AOPEP: variants seen among roughly 807,000 people sequenced by gnomAD.
The protein encoded by AOPEP is aminopeptidase O (putative), also known as aminopeptidase O.
In AOPEP, 77 loss-of-function variants were observed where a neutral mutation model predicts 98.1. The observed-to-expected ratio is 0.78, with a 90% CI of 0.65 to 0.95. The LOEUF (loss-of-function observed/expected upper bound fraction) is 0.95, where lower values mean the gene tolerates loss of function less well. Ranked by LOEUF, AOPEP falls within the 40% of genes least tolerant of loss-of-function variation. The pLI is 0.00. For missense variants in AOPEP, 1,024 were observed against 1,024.7 expected (o/e 1.00, Z 0.01); for synonymous variants, 346 against 365.3 (o/e 0.95, Z 0.60).
At chr9:95,089,877 C>T (rs2134350195), downstream of AOPEP, among the ~76,000 whole-genome samples, 1 of 152,372 alleles carries the variant, frequency 6.6e-6, no homozygotes, top group Non-Finnish European at 1.5e-5. Context: ...AAGAAACTGA[C>T]AGGAACAACC....
At chr9:94,932,451 C>A in intron 7 of AOPEP, 5 of 177,122 alleles carry the variant, frequency 2.8e-5, no homozygotes, top group Non-Finnish European at 2.2e-5. Context: ...GAGGTTTCAT[C>A]AAATGTTTCT....
chr9:94,780,674 A>G (rs1843049751), intron 3 of AOPEP, among the ~76,000 whole-genome samples: 1 of 152,266 alleles, frequency 6.6e-6, no homozygotes, highest in Admixed American at 6.5e-5. Flanking sequence ...GGATGTGGAT[A>G]CAAGATGATG....
chr9:95,088,295 C>A (rs1268146173), downstream of AOPEP, among the ~76,000 whole-genome samples: 7 of 151,984 alleles, frequency 4.6e-5, no homozygotes, highest in African/African-American at 1.7e-4. Context: ...CTGCAACCTC[C>A]GCCTCCCGGG....
chr9:94,753,653 T>C (rs894248527), intron 1 of AOPEP, among the ~76,000 whole-genome samples: 5 of 152,220 alleles, frequency 3.3e-5, no homozygotes, highest in Admixed American at 2.6e-4. Context: ...AAGAAATTCA[T>C]TTCAGTCATT....
intron 13 of AOPEP, among the ~76,000 whole-genome samples, chr9:95,045,116 A>C (rs1438512208): frequency 6.6e-6 from 1 of 152,366 alleles, no homozygotes; most frequent in African/African-American, 2.4e-5. Context: ...CCAAGGTCAC[A>C]AGGTGAGTAG....
chr9:94,925,905 G>A (rs532532181), intron 6 of AOPEP, among the ~76,000 whole-genome samples: 1 of 152,350 alleles, frequency 6.6e-6, no homozygotes, highest in African/African-American at 2.4e-5. Flanking sequence ...GGGATCAGGT[G>A]TGAATGAGCT....
At chr9:95,020,722 A>G (rs573209106) in intron 13 of AOPEP, among the ~76,000 whole-genome samples, 5 of 152,114 alleles carry the variant, frequency 3.3e-5, no homozygotes, top group Non-Finnish European at 4.4e-5. Flanking sequence ...GTTCAAGACC[A>G]ACCTCGGCAA....
At chr9:95,085,613 C>T (rs368040649) in intron 16 of AOPEP, 4 of 404,468 alleles carry the variant, frequency 9.9e-6, no homozygotes, top group African/African-American at 8.4e-5. Flanking sequence ...GCTGCACAGT[C>T]AGCTTGGGTG....
chr9:94,871,283 C>T (rs1442425256), intron 5 of AOPEP, among the ~76,000 whole-genome samples: 1 of 152,206 alleles, frequency 6.6e-6, no homozygotes, highest in Admixed American at 6.5e-5. Context: ...TATCTACAGG[C>T]CTCTGTTTTA....
At chr9:95,048,253 G>C (rs1008107071) in intron 13 of AOPEP, among the ~76,000 whole-genome samples, 7 of 152,262 alleles carry the variant, frequency 4.6e-5, no homozygotes, top group African/African-American at 1.7e-4. Flanking sequence ...TATGCAAAGA[G>C]AGAAAGTCCT....
chr9:94,961,959 A>G (rs779338359), intron 9 of AOPEP, among the ~76,000 whole-genome samples: 29 of 152,200 alleles, frequency 1.9e-4, no homozygotes, highest in Non-Finnish European at 3.8e-4. Context: ...TCCTTTTCCA[A>G]CTTGTGCTAT....
intron 5 of AOPEP, among the ~76,000 whole-genome samples, chr9:94,908,402 T>C (rs1564361966): frequency 6.6e-6 from 1 of 152,198 alleles, no homozygotes; most frequent in Non-Finnish European, 1.5e-5. Context: ...ATGTTCACTT[T>C]ACACTATCTC....
intron 5 of AOPEP, among the ~76,000 whole-genome samples, chr9:94,910,916 C>G (rs879022091): frequency 1.3e-5 from 2 of 152,104 alleles, no homozygotes; most frequent in Admixed American, 6.5e-5. Context: ...TGGGCCTCCT[C>G]GTGATGTTAT....
intron 13 of AOPEP, among the ~76,000 whole-genome samples, chr9:95,029,844 G>T (rs2064146202): frequency 2.0e-5 from 3 of 152,150 alleles, no homozygotes; most frequent in Admixed American, 2.0e-4. Flanking sequence ...TGCTTGTCCT[G>T]GGAGATGGGT....
the AOPEP span, among the ~76,000 whole-genome samples, chr9:95,097,302 A>C: frequency 6.6e-6 from 1 of 152,214 alleles, no homozygotes; most frequent in Non-Finnish European, 1.5e-5. Flanking sequence ...CCATTTGCCC[A>C]GTGTTTGGCC....
At chr9:95,035,172 G>A (rs1294282759) in intron 13 of AOPEP, among the ~76,000 whole-genome samples, 2 of 147,282 alleles carry the variant, frequency 1.4e-5, no homozygotes, top group East Asian at 2.0e-4. Flanking sequence ...CCCTGTTTCC[G>A]TGTGTTCTCA....
At chr9:95,032,780 T>C (rs1287600802) in intron 13 of AOPEP, among the ~76,000 whole-genome samples, 1 of 152,234 alleles carries the variant, frequency 6.6e-6, no homozygotes, top group Non-Finnish European at 1.5e-5. Context: ...GGTTTGGAGT[T>C]GTTCCCACCT....
chr9:95,004,126 T>C, intron 11 of AOPEP: 1 of 410,054 alleles, frequency 2.4e-6, no homozygotes, highest in South Asian at 1.7e-5. Context: ...AGAAATGTGA[T>C]AAAGTTAAAG....
chr9:95,107,051 C>T, the AOPEP span: 1 of 1,613,970 alleles, frequency 6.2e-7, no homozygotes, highest in Admixed American at 1.7e-5. Flanking sequence ...GATGCTGGAC[C>T]ACAGGGAGAC....
Sources: allele counts gnomAD v4.1 joint callset (sites outside exome capture counted in the v4.1 genomes callset), GRCh38; gene constraint gnomAD v4.1.1; transcripts MANE v1.5; gene names NCBI Gene and HGNC (gene_info 2026-07-23, HGNC 2026-07-21).